The following CRHR1 variants were observed in gnomAD, a reference collection of about 807,000 sequenced individuals.
The protein encoded by CRHR1 is corticotropin-releasing hormone receptor 1.
A neutral mutation model predicts 56.0 loss-of-function variants in CRHR1; 28 were observed. The observed-to-expected ratio is 0.50, with a 90% CI of 0.37 to 0.69. CRHR1 has a LOEUF of 0.69. Ranked by LOEUF, CRHR1 falls within the 30% of genes least tolerant of loss-of-function variation. The pLI, the probability that CRHR1 is intolerant of heterozygous loss-of-function variation, is 0.00. For missense variants in CRHR1, 376 were observed against 548.0 expected, an observed-to-expected ratio of 0.69 and a Z score of 3.13; for synonymous variants, 195 against 216.5, an observed-to-expected ratio of 0.90 and a Z score of 0.87.
At position 45,807,833 on chromosome 17, in the gene CRHR1, G is replaced by T. The variant is rs185427098; in HGVS notation, c.121+736G>T. On this transcript the variant is annotated intron_variant, in intron 2 of 12. Coordinates refer to ENST00000314537, the MANE Select transcript of CRHR1 (RefSeq NM_004382.5). ...CACAAGAGTGTAAAGCCGAACGTTT[G>T]TACAGTTGAGGAAACTGAGGCATGG... Among the ~76,000 whole-genome samples, 4 of 152,332 alleles carry T rather than the reference G, an allele frequency of 2.6e-5. No individual in the cohort carries two copies. The East Asian group carries it at 5.8e-4, about 22-fold the overall frequency.
chr17:45,809,229 G>A (rs1222596193), intron 2 of CRHR1, among the ~76,000 whole-genome samples: 1 of 152,188 alleles, frequency 6.6e-6, no homozygotes, highest in Non-Finnish European at 1.5e-5. Context: ...GGTGCTAGGA[G>A]CCCAGAGCAT....
chr17:45,813,228 C>T (rs1262946623), intron 2 of CRHR1, among the ~76,000 whole-genome samples: 2 of 152,202 alleles, frequency 1.3e-5, no homozygotes, highest in African/African-American at 4.8e-5. Flanking sequence ...CTGCCTCCTC[C>T]CTGCCCTTGT....
intron 1 of CRHR1, among the ~76,000 whole-genome samples, chr17:45,795,192 T>C (rs1315859760): frequency 1.3e-5 from 2 of 152,156 alleles, no homozygotes; most frequent in Non-Finnish European, 2.9e-5. Flanking sequence ...GACTGACTGA[T>C]CCAAGGTCGC....
chr17:45,824,510 C>A (rs2062115805), intron 4 of CRHR1, among the ~76,000 whole-genome samples: 1 of 152,120 alleles, frequency 6.6e-6, no homozygotes, highest in African/African-American at 2.4e-5. Context: ...TCCCCAGCAC[C>A]CTTCAAAGGC....
At chr17:45,823,175 C>G (rs2062082142) in intron 4 of CRHR1, among the ~76,000 whole-genome samples, 1 of 151,470 alleles carries the variant, frequency 6.6e-6, no homozygotes, top group South Asian at 2.1e-4. Context: ...TCTCCCAGAG[C>G]ACTTGTCCAA....
chr17:45,784,354 G>T lies in CRHR1; in HGVS notation c.-191G>T. ...CGGCCAGACTTCCCCGGGAAGGGGC[G>T]AGCGAGAGCCGGGCCGGGCCGGGCC... On this transcript the variant is annotated 5_prime_UTR_variant, in exon 1 of 13. Coordinates refer to ENST00000314537, the MANE Select transcript of CRHR1 (RefSeq NM_004382.5). The surrounding 1 kb of genome is among the most constrained non-coding windows in gnomAD (Gnocchi z 4.2). 2 of 336,550 alleles carry T rather than the reference G, an allele frequency of 5.9e-6. No homozygotes were observed. The highest frequency in any genetic ancestry group is 2.7e-4 in the South Asian group (2 of 7,396). 20.8% of individuals were successfully genotyped at this position (336,550 alleles called of 1,614,324 possible). A position where few individuals can be genotyped will look rare whatever the true frequency, so the allele number is the denominator to read the frequency against.
intron 9 of CRHR1, 103 bp from the exon 10 acceptor site, chr17:45,833,349 C>T (rs1732836537): frequency 6.9e-7 from 1 of 1,453,104 alleles, no homozygotes; most frequent in African/African-American, 1.4e-5. Flanking sequence ...TGCAGGTGCT[C>T]ATGAGGAGGA....
At chr17:45,831,505 A>G (rs938307402) in intron 8 of CRHR1, among the ~76,000 whole-genome samples, 11 of 152,186 alleles carry the variant, frequency 7.2e-5, no homozygotes, top group East Asian at 1.9e-4. Flanking sequence ...GATGTTTCCA[A>G]TCGTGCCTGG....
rs1360465447 is a variant in CRHR1, at chr17:45,830,581, C to T, written c.709+11C>T. The T allele has an allele frequency of 2.5e-6, 4 of 1,596,630 alleles. No individual in the cohort carries two copies. The highest frequency in any genetic ancestry group is 8.5e-7 in the Non-Finnish European group (1 of 1,170,196). On this transcript the variant is annotated intron_variant, in intron 7 of 12. Transcript: ENST00000314537. ...TCTGCATTGGCTGGGGTGAGCTGGG[C>T]AGCCACCTCCGCAGCCTGGGCAGTG...
chr17:45,815,169 G>C (rs2061901810), intron 2 of CRHR1, among the ~76,000 whole-genome samples: 1 of 152,224 alleles, frequency 6.6e-6, no homozygotes, highest in Admixed American at 6.5e-5. Context: ...CTGGTTCATG[G>C]TTCCTGGCCC....
intron 1 of CRHR1, among the ~76,000 whole-genome samples, chr17:45,804,355 A>G (rs2061681652): frequency 6.6e-6 from 1 of 152,158 alleles, no homozygotes; most frequent in Non-Finnish European, 1.5e-5. Flanking sequence ...CAAAACCACT[A>G]CAAACTCAGG....
In CRHR1 at chr17:45,821,434, T is replaced by G. The variant is rs748237615; in HGVS notation, c.321T>G (p.Asn107Lys). 7.4e-6 allele frequency: 12 copies of G among 1,612,234 alleles called. No individual in the cohort carries two copies. The South Asian group carries it at 1.1e-4, about 15-fold the overall frequency. ...ACTCCGAGTGCCAGGAGATCCTCAA[T>G]GAGGAGGTGAGGCTGAGCCGAACAA... ...VNYSECQEIL[N>K]EEKKSKVHYH... The change falls in exon 4 of 13, where the codon AAT becomes AAG. Residue 107 changes from asparagine to lysine, a missense_variant. Physicochemically the swap from Asn to Lys is moderately conservative, Grantham distance 94. This residue lies in a region of CRHR1 where 369 missense variants were observed against 519.5 expected (regional missense o/e 0.71). Coordinates refer to ENST00000314537, the MANE Select transcript of CRHR1 (RefSeq NM_004382.5).
At chr17:45,828,967 A>G (rs1282689439) in intron 4 of CRHR1, among the ~76,000 whole-genome samples, 1 of 152,188 alleles carries the variant, frequency 6.6e-6, no homozygotes, top group Non-Finnish European at 1.5e-5. Flanking sequence ...GGGGAATCCC[A>G]CGTGATGTGG....
At chr17:45,809,266 C>T (rs1286901769) in intron 2 of CRHR1, among the ~76,000 whole-genome samples, 8 of 152,106 alleles carry the variant, frequency 5.3e-5, no homozygotes, top group South Asian at 2.1e-4. Flanking sequence ...TTAAGCTGTG[C>T]TTGGGGAATG....
intron 1 of CRHR1, among the ~76,000 whole-genome samples, chr17:45,801,314 C>A (rs1339697567): frequency 6.6e-6 from 1 of 152,220 alleles, no homozygotes; most frequent in East Asian, 1.9e-4. Flanking sequence ...ACAGCAGGAG[C>A]ACCTGCTTAC....
chr17:45,818,323 T>G (rs1381404540), intron 3 of CRHR1, among the ~76,000 whole-genome samples: 1 of 152,190 alleles, frequency 6.6e-6, no homozygotes, highest in Non-Finnish European at 1.5e-5. Context: ...CCCCATGAGT[T>G]CCCTCTGCTC....
At chr17:45,801,220 C>T (rs1018267945) in intron 1 of CRHR1, among the ~76,000 whole-genome samples, 10 of 152,226 alleles carry the variant, frequency 6.6e-5, no homozygotes, top group Non-Finnish European at 1.5e-4. Flanking sequence ...CCCCACTGCC[C>T]ATCCCTTCTT....
chr17:45,821,743 G>A (rs1168567984), intron 4 of CRHR1, among the ~76,000 whole-genome samples: 1 of 152,186 alleles, frequency 6.6e-6, no homozygotes, highest in Non-Finnish European at 1.5e-5. Flanking sequence ...GGACTGTCCT[G>A]GGGGTGCAAA....
At chr17:45,796,287 C>T (rs1280823116) in intron 1 of CRHR1, among the ~76,000 whole-genome samples, 1 of 152,168 alleles carries the variant, frequency 6.6e-6, no homozygotes, top group Non-Finnish European at 1.5e-5. Flanking sequence ...GGGGCAGGCA[C>T]TGGATCAGAA....
Sources: gnomAD v4.1 joint callset for allele counts (sites outside exome capture counted in the v4.1 genomes callset) on GRCh38, gnomAD v4.1.1 for gene constraint, gnomAD v4.1.1 regional missense constraint, Gnocchi (gnomAD v3.1) non-coding constraint, MANE v1.5 for transcripts, NCBI Gene and HGNC (gene_info 2026-07-23, HGNC 2026-07-21) for gene names.